Variants in KAT6A observed in about 807,000 individuals in gnomAD.
KAT6A encodes the protein lysine acetyltransferase 6A, also known as histone acetyltransferase KAT6A.
KAT6A carries 9 observed loss-of-function variants against 198.4 expected under a neutral mutation model. That is an observed-to-expected ratio of 0.05 (90% CI 0.03 to 0.08). The LOEUF (loss-of-function observed/expected upper bound fraction) is 0.08, where lower values mean the gene tolerates loss of function less well. Ranked by LOEUF, KAT6A falls within the 10% of genes least tolerant of loss-of-function variation. The probability of loss-of-function intolerance (pLI) is 1.00; values close to 1 mark genes in which losing one functional copy is unlikely to be tolerated. For synonymous variants in KAT6A, 890 were observed against 883.0 expected, an observed-to-expected ratio of 1.01 and a Z score of -0.14; for missense variants, 2,077 against 2,509.9, an observed-to-expected ratio of 0.83 and a Z score of 3.69.
At chr8:41,936,937 C>T (rs976941145) in intron 16 of KAT6A, among the ~76,000 whole-genome samples, 13 of 152,200 alleles carry the variant, frequency 8.5e-5, no homozygotes, top group Admixed American at 6.5e-5. Context: ...ATTACATCTT[C>T]CTGATGCTAA....
intron 2 of KAT6A, among the ~76,000 whole-genome samples, chr8:42,044,204 G>A (rs1183379478): frequency 1.3e-5 from 2 of 150,794 alleles, no homozygotes; most frequent in South Asian, 2.1e-4. Context: ...GGGTTCAAGC[G>A]ATTATCCTGC....
intron 2 of KAT6A, among the ~76,000 whole-genome samples, chr8:42,026,155 G>C (rs1826801539): frequency 6.6e-6 from 1 of 152,102 alleles, no homozygotes; most frequent in Non-Finnish European, 1.5e-5. Flanking sequence ...CCAATACCTT[G>C]CTGAATTGGT....
At chr8:42,036,647 T>A (rs1827392702) in intron 2 of KAT6A, among the ~76,000 whole-genome samples, 1 of 150,778 alleles carries the variant, frequency 6.6e-6, no homozygotes, top group African/African-American at 2.4e-5. Flanking sequence ...ATGGCTGGAG[T>A]TTGCCAACAT....
intron 3 of KAT6A, among the ~76,000 whole-genome samples, chr8:41,982,349 C>T (rs1273534069): frequency 1.3e-5 from 2 of 152,190 alleles, no homozygotes; most frequent in South Asian, 2.1e-4. Flanking sequence ...ACACTGATAA[C>T]ATCCTAGAAA....
intron 2 of KAT6A, among the ~76,000 whole-genome samples, chr8:41,994,416 C>G (rs2150898086): frequency 6.6e-6 from 1 of 152,258 alleles, no homozygotes; most frequent in Admixed American, 6.5e-5. Flanking sequence ...CCTCTACACT[C>G]CACTCCAGCT....
intron 8 of KAT6A, chr8:41,957,186 C>T (rs1196431198): frequency 5.1e-6 from 3 of 589,868 alleles, no homozygotes; most frequent in Admixed American, 1.9e-5. Flanking sequence ...CACGTCTGTC[C>T]AGAATGGGAC....
intron 8 of KAT6A, among the ~76,000 whole-genome samples, chr8:41,966,280 C>T (rs1378810734): frequency 6.6e-6 from 1 of 152,030 alleles, no homozygotes; most frequent in Non-Finnish European, 1.5e-5. Flanking sequence ...CCCAGCTTTG[C>T]TTTTCGAGGT....
In KAT6A at chr8:41,933,241, T is replaced by A; in HGVS notation, c.4979A>T (p.Gln1660Leu). 1.3e-6 allele frequency: 2 copies of A among 1,550,386 alleles called. No individual in the cohort carries two copies. Among genetic ancestry groups the A allele is most frequent in the Non-Finnish European group, 1.7e-6 (2 of 1,153,316 alleles). The change falls in exon 17 of 17, where the codon CAG (glutamine) becomes CTG (leucine). Residue 1660 changes from glutamine to leucine, a missense_variant. Transcript: ENST00000265713. The surrounding 1 kb of genome is among the most constrained non-coding windows in gnomAD (Gnocchi z 6.2). The stretch of plus-strand genomic sequence containing the variant: ...TGGTTGTGGTTGTGGCGGCGGCGGC[T>A]GTGGCTGCTGTGGAGGCGGTGGTGG... Reference protein sequence around the residue: ...QPPPPPPQQPQPPPPQPQPAP... With the variant: ...QPPPPPPQQPLPPPPQPQPAP...
intron 12 of KAT6A, among the ~76,000 whole-genome samples, chr8:41,945,230 T>C (rs1391798396): frequency 6.6e-6 from 1 of 152,144 alleles, no homozygotes; most frequent in Non-Finnish European, 1.5e-5. Flanking sequence ...AATGCACACA[T>C]TTTCTCAGAT....
In KAT6A at chr8:41,934,846, A is replaced by G; in HGVS notation, c.3374T>C (p.Val1125Ala). The G allele has an allele frequency of 1.2e-6, 2 of 1,611,640 alleles. No homozygotes were observed. The highest frequency in any genetic ancestry group is 1.7e-6 in the Non-Finnish European group (2 of 1,179,194). ...DADDTPILKPVSLLRKRDVKN... is the reference protein window; with the variant it reads ...DADDTPILKPASLLRKRDVKN... ...CACATCACGTTTTCGCAAAAGAGAT[A>G]CTGGCTTTAAGATAGGAGTGTCTAT... Residue 1125 changes from valine to alanine, a missense_variant, in exon 17 of 17, where the codon GTA becomes GCA. Coordinates refer to ENST00000265713, the MANE Select transcript of KAT6A (RefSeq NM_006766.5).
intron 8 of KAT6A, among the ~76,000 whole-genome samples, chr8:41,956,531 TATATAAATCCGTTTAA>T (rs1822926576): frequency 6.6e-6 from 1 of 152,234 alleles, no homozygotes; most frequent in Admixed American, 6.5e-5. Context: ...TCATTGGTTT[TATATAAATCCGTTTAA>T]AGAAGCCTCT....
At chr8:42,018,645 G>A (rs1564068551) in intron 2 of KAT6A, among the ~76,000 whole-genome samples, 2 of 152,072 alleles carry the variant, frequency 1.3e-5, no homozygotes, top group Non-Finnish European at 2.9e-5. Context: ...AGAACAGGCT[G>A]GGCGAGGTGG....
At chr8:41,951,059 C>G (rs2150868696) in intron 9 of KAT6A, among the ~76,000 whole-genome samples, 1 of 151,744 alleles carries the variant, frequency 6.6e-6, no homozygotes, top group Admixed American at 6.6e-5. Context: ...CTCAAGAAAA[C>G]ATCAGGAGAA....
At chr8:42,003,477 G>A (rs1209664261) in intron 2 of KAT6A, among the ~76,000 whole-genome samples, 1 of 151,534 alleles carries the variant, frequency 6.6e-6, no homozygotes, top group Non-Finnish European at 1.5e-5. Context: ...CCAGCCCATG[G>A]GGTTGTAGCT....
intron 8 of KAT6A, among the ~76,000 whole-genome samples, chr8:41,959,475 C>T (rs1436276320): frequency 1.3e-5 from 2 of 152,190 alleles, no homozygotes; most frequent in African/African-American, 4.8e-5. Context: ...AACAGAATTA[C>T]CACATAATCT....
chr8:41,958,326 T>C (rs570703920), intron 8 of KAT6A: 1 of 152,214 alleles, frequency 6.6e-6, no homozygotes, highest in East Asian at 1.9e-4. Context: ...AATCCATCCT[T>C]CAAAGTAGAA....
intron 2 of KAT6A, among the ~76,000 whole-genome samples, chr8:42,032,849 T>TA (rs2150922856): frequency 6.7e-6 from 1 of 150,120 alleles, no homozygotes; most frequent in Admixed American, 6.6e-5. Flanking sequence ...CTCAATGGTC[T>TA]AATGCTTATT....
rs549443464 is a variant in KAT6A, at chr8:42,002,149, T to C, written c.601-14586A>G. Among the ~76,000 whole-genome samples the C allele has an allele frequency of 3.4e-4, 51 of 152,202 alleles. 1 individual carries two copies. The highest frequency in any genetic ancestry group is 9.8e-4 in the Admixed American group (15 of 15,288). ...CCTCACAACTGTCCTATGGGGAAGG[T>C]AATATCATCACCACTTTCCAGATAG... On this transcript the variant is annotated intron_variant, in intron 2 of 16. Transcript: ENST00000265713.
chr8:42,037,017 C>A (rs1427558165), intron 2 of KAT6A, among the ~76,000 whole-genome samples: 1 of 152,098 alleles, frequency 6.6e-6, no homozygotes. Flanking sequence ...CTTAGCCAGT[C>A]CCCACTACAG....
Sources: gnomAD v4.1 joint callset for allele counts (sites outside exome capture counted in the v4.1 genomes callset) on GRCh38, gnomAD v4.1.1 for gene constraint, Gnocchi (gnomAD v3.1) non-coding constraint, MANE v1.5 for transcripts, NCBI Gene and HGNC (gene_info 2026-07-23, HGNC 2026-07-21) for gene names.